Variants in USP38 observed in about 807,000 individuals in gnomAD.
USP38 encodes the protein ubiquitin specific peptidase 38.
A neutral mutation model predicts 94.3 loss-of-function variants in USP38; 49 were observed. The ratio of observed to expected loss-of-function variants is 0.52; its 90% CI spans 0.41 to 0.66. USP38 has a LOEUF of 0.66. Ranked by LOEUF, USP38 falls within the 30% of genes least tolerant of loss-of-function variation. The pLI is 0.00. For missense variants in USP38, 1,128 were observed against 1,229.4 expected (o/e 0.92, Z 1.23); for synonymous variants, 468 against 463.6 (o/e 1.01, Z -0.12).
chr4:143,191,089 T>G (rs1038991248), intron 2 of USP38, among the ~76,000 whole-genome samples: 2 of 152,156 alleles, frequency 1.3e-5, no homozygotes. Flanking sequence ...TAATTACTCT[T>G]ATACAGAAAA....
chr4:143,210,110 A>G (rs72721006), intron 7 of USP38, among the ~76,000 whole-genome samples: 1 of 152,230 alleles, frequency 6.6e-6, no homozygotes, highest in African/African-American at 2.4e-5. Context: ...ATAACTAAAG[A>G]TCTCTGCAGT....
chr4:143,188,140 C>T (rs1731283431), intron 2 of USP38, among the ~76,000 whole-genome samples, 179 bp downstream of exon 2: 1 of 152,048 alleles, frequency 6.6e-6, no homozygotes, highest in South Asian at 2.1e-4. Flanking sequence ...CCCAATAATT[C>T]ACAAATCTAT....
intron 9 of USP38, chr4:143,215,253 C>T (rs1732154325): frequency 3.3e-6 from 1 of 300,218 alleles, no homozygotes; most frequent in South Asian, 4.4e-5. Context: ...CCCTCTTCCT[C>T]TCAGCCTCAC....
At chr4:143,194,149 T>C (rs1431427677) in intron 2 of USP38, among the ~76,000 whole-genome samples, 1 of 152,390 alleles carries the variant, frequency 6.6e-6, no homozygotes, top group East Asian at 1.9e-4. Context: ...AATGTATTTA[T>C]GTCCTTAGTG....
chr4:143,189,446 T>C (rs1428868223), intron 2 of USP38, among the ~76,000 whole-genome samples: 3 of 152,056 alleles, frequency 2.0e-5, no homozygotes, highest in Non-Finnish European at 2.9e-5. Flanking sequence ...GCCCCTGTTA[T>C]AAAATTATAA....
Position 143,185,355 on chromosome 4 carries a change from C to G in USP38, c.-96C>G. On this transcript the variant is annotated 5_prime_UTR_variant, in exon 1 of 10. Coordinates refer to ENST00000307017, the MANE Select transcript of USP38 (RefSeq NM_032557.6). ...CCCGTCGCGCTGCTGCTGCGGCGCT[C>G]CAAGTTCATCTCCGCCCCGGGGCTC... 7.2e-7 allele frequency: 1 copy of G among 1,382,126 alleles called. No individual in the cohort carries two copies. The highest frequency in any genetic ancestry group is 9.7e-7 in the Non-Finnish European group (1 of 1,034,914). The allele number at this position is 1,382,126 out of a possible 1,614,324, so 85.6% of individuals were successfully genotyped here. A position where few individuals can be genotyped will look rare whatever the true frequency, so the allele number is the denominator to read the frequency against.
intron 9 of USP38, among the ~76,000 whole-genome samples, chr4:143,219,458 A>T (rs143311506): frequency 5.5e-4 from 84 of 152,218 alleles, no homozygotes; most frequent in African/African-American, 1.9e-3. Flanking sequence ...TGAAAAATCG[A>T]AATAATAGTG....
intron 9 of USP38, 144 bp downstream of exon 9, chr4:143,215,087 G>A: frequency 1.2e-6 from 1 of 820,336 alleles, no homozygotes; most frequent in Non-Finnish European, 1.8e-6. Flanking sequence ...TTCTCAACCT[G>A]TATAACTAAA....
chr4:143,203,664 T>A, intron 5 of USP38, 98 bp downstream of exon 5: 1 of 1,272,966 alleles, frequency 7.9e-7, no homozygotes, highest in Non-Finnish European at 1.1e-6. Flanking sequence ...TTTATGGTAA[T>A]ATGCTTTTTA....
chr4:143,210,560 C>T (rs1731995660), intron 7 of USP38, among the ~76,000 whole-genome samples: 1 of 151,206 alleles, frequency 6.6e-6, no homozygotes, highest in South Asian at 2.1e-4. Flanking sequence ...GCACTCCAGC[C>T]TAGCTAACAG....
At chr4:143,204,307 A>G (rs1361501658) in intron 5 of USP38, 3 of 430,184 alleles carry the variant, frequency 7.0e-6, no homozygotes, top group Non-Finnish European at 1.4e-5. Flanking sequence ...TTTGCTGTGG[A>G]CTGTTCATCA....
At chr4:143,197,693 A>G (rs888337422) in intron 3 of USP38, 130 bp from the exon 4 acceptor site, 15 of 612,580 alleles carry the variant, frequency 2.4e-5, no homozygotes, top group Non-Finnish European at 4.0e-5. Flanking sequence ...GTTTAATAAT[A>G]TAAGTTATGT....
Position 143,185,301 on chromosome 4 carries a change from T to C in USP38, c.-150T>C. 1.2e-6 allele frequency: 1 copy of C among 833,980 alleles called. No individual in the cohort carries two copies. The highest frequency in any genetic ancestry group is 1.8e-5 in the South Asian group (1 of 55,158). 51.7% of individuals were successfully genotyped at this position (833,980 alleles called of 1,614,324 possible). A position where few individuals can be genotyped will look rare whatever the true frequency, so the allele number is the denominator to read the frequency against. On this transcript the variant is annotated 5_prime_UTR_variant, in exon 1 of 10. The change abolishes an upstream ATG in the 5' untranslated region. Transcript: ENST00000307017. ...TGGATGGGTCTCCCTGCGCCATAAA[T>C]GTGGCTGCTGAGGCGGCGGTGGCCG...
At chr4:143,209,697 C>T (rs745598498) in intron 7 of USP38, 40 bp downstream of exon 7, 17 of 1,282,894 alleles carry the variant, frequency 1.3e-5, no homozygotes, top group South Asian at 9.1e-5. Context: ...ATGTTAACTG[C>T]GTGGTAATAT....
Position 143,213,982 on chromosome 4 carries a change from G to A in USP38, c.2006G>A (p.Cys669Tyr). ...VYNPTTAAFI[C>Y]DSLVNEKTIG... is the part of the protein sequence containing the mutation. ...AATCCAACAACAGCTGCCTTCATCT[G>A]TGACTCACTTGTGAATGAAAAAACC... The change falls in exon 9 of 10, where the codon TGT becomes TAT. Residue 669 changes from cysteine (C) to tyrosine (Y), a missense_variant. Physicochemically the swap from Cys to Tyr is radical, Grantham distance 194. Transcript: ENST00000307017. 6.2e-7 allele frequency: 1 copy of A among 1,613,572 alleles called. No individual in the cohort carries two copies. The highest frequency in any genetic ancestry group is 8.5e-7 in the Non-Finnish European group (1 of 1,179,808).
chr4:143,195,963 G>C (rs1339096457), intron 3 of USP38, 118 bp downstream of exon 3: 1 of 983,636 alleles, frequency 1.0e-6, no homozygotes, highest in Non-Finnish European at 1.4e-6. Context: ...GTTTTGTTTT[G>C]AATAACAGTT....
At chr4:143,200,328 A>G (rs1400725269) in intron 4 of USP38, among the ~76,000 whole-genome samples, 1 of 152,238 alleles carries the variant, frequency 6.6e-6, no homozygotes, top group Non-Finnish European at 1.5e-5. Flanking sequence ...CAATAAATTC[A>G]ACATCCCTTC....
intron 5 of USP38, among the ~76,000 whole-genome samples, chr4:143,205,755 A>G (rs1020370069): frequency 6.6e-6 from 1 of 152,206 alleles, no homozygotes; most frequent in Non-Finnish European, 1.5e-5. Context: ...TTGCTGGCAT[A>G]TAGAGAACAT....
chr4:143,210,601 G>A (rs1464467057), intron 7 of USP38, among the ~76,000 whole-genome samples: 2 of 151,210 alleles, frequency 1.3e-5, no homozygotes, highest in Admixed American at 6.6e-5. Context: ...AAAAAAAAGA[G>A]TCTTTATGTT....
Sources: gnomAD v4.1 joint callset for allele counts (sites outside exome capture counted in the v4.1 genomes callset) on GRCh38, gnomAD v4.1.1 for gene constraint, MANE v1.5 for transcripts, NCBI Gene and HGNC (gene_info 2026-07-23, HGNC 2026-07-21) for gene names.